TGM1: variants seen among roughly 807,000 people sequenced by gnomAD.
The protein encoded by TGM1 is protein-glutamine gamma-glutamyltransferase K.
Under a neutral mutation model 88.7 loss-of-function variants are expected in TGM1, and 63 were observed. The observed-to-expected ratio is 0.71, with a 90% CI of 0.58 to 0.88. The LOEUF (loss-of-function observed/expected upper bound fraction) is 0.88. TGM1 is among the 40% of genes least tolerant of loss of function. The pLI is 0.00. For missense variants in TGM1, 996 were observed against 1,118.0 expected (o/e 0.89, Z 1.56); for synonymous variants, 415 against 431.1 (o/e 0.96, Z 0.46).
At chr14:24,249,640 A>T in intron 14 of TGM1, 99 bp from the exon 15 acceptor site, 1 of 1,057,354 alleles carries the variant, frequency 9.5e-7, no homozygotes, top group Non-Finnish European at 1.4e-6. Flanking sequence ...CAGGAGGTGG[A>T]CCCATTCAGA....
chr14:24,254,460 C>T (rs2040727233), intron 13 of TGM1, among the ~76,000 whole-genome samples, 172 bp from the exon 14 acceptor site: 2 of 152,206 alleles, frequency 1.3e-5, no homozygotes, highest in African/African-American at 4.8e-5. Flanking sequence ...CCAACCTATT[C>T]CTCAATAAAG....
intron 7 of TGM1, 38 bp from the exon 8 acceptor site, chr14:24,258,711 TG>T (rs1163861564): frequency 6.2e-7 from 1 of 1,610,240 alleles, no homozygotes; most frequent in Admixed American, 1.7e-5. Flanking sequence ...AGGCATGGGT[TG>T]GGGGCAAGTG....
Position 24,259,881 on chromosome 14 carries a change from G to A in TGM1, c.876+59C>T, listed in dbSNP as rs2040792701. On this transcript the variant is annotated intron_variant, in intron 5 of 14. Transcript: ENST00000206765. This position sits in a 1 kb window ranked among gnomAD's most constrained non-coding sequence, Gnocchi z 5.7. ...GCCAGCACCCTGCTCCAATACCCCA[G>A]CCCCCACACCCACCCCAGCTCCTCT... The A allele has an allele frequency of 3.1e-6, 5 of 1,607,000 alleles. No homozygotes were observed. The highest frequency in any genetic ancestry group is 2.6e-6 in the Non-Finnish European group (3 of 1,174,322).
intron 4 of TGM1, 44 bp downstream of exon 4, chr14:24,260,406 C>T: frequency 6.2e-7 from 1 of 1,613,278 alleles, no homozygotes; most frequent in Non-Finnish European, 8.5e-7. Flanking sequence ...CCTTCCCTGT[C>T]TTTCCCTCCC....
Position 24,261,797 on chromosome 14 carries a change from A to T in TGM1, c.406T>A (p.Tyr136Asn). ...RREHHTDEYE[Y>N]DELIVRRGQP... is the part of the protein sequence containing the mutation. ...CCGCGGCGCACTATCAGCTCGTCGTACTCATACTCGTCTGTGTGGTGCTCT... is the reference window on the plus strand; with the variant it reads ...CCGCGGCGCACTATCAGCTCGTCGTTCTCATACTCGTCTGTGTGGTGCTCT... The change falls in exon 3 of 15, where the codon TAC (tyrosine) becomes AAC (asparagine). Residue 136 changes from tyrosine (Y) to asparagine (N), a missense_variant. Transcript: ENST00000206765. The T allele has an allele frequency of 1.9e-6, 3 of 1,613,872 alleles. No individual in the cohort carries two copies. The highest frequency in any genetic ancestry group is 2.5e-6 in the Non-Finnish European group (3 of 1,179,986).
chr14:24,258,285 C>T lies in TGM1; in HGVS notation c.1402G>A (p.Gly468Ser), dbSNP rs1566378254. ...VDATPQETSS[G>S]IFCCGPCSVE... ...GTGGGGAGTGGGGGGCCCAGCTTAC[C>T]ACTGCTAGTCTCTTGGGGTGTGGCA... The change falls in exon 9 of 15, where the codon GGC becomes AGC. Residue 468 changes from glycine to serine, a missense_variant and splice_region_variant. Gly to Ser is a moderately conservative substitution (Grantham distance 56). Coordinates refer to ENST00000206765, the MANE Select transcript of TGM1 (RefSeq NM_000359.3). 1 of 1,613,060 alleles carries T rather than the reference C, an allele frequency of 6.2e-7. No homozygotes were observed. Among genetic ancestry groups the T allele is most frequent in the African/African-American group, 1.3e-5 (1 of 75,006 alleles).
chr14:24,256,260 T>C (rs1027448407), intron 9 of TGM1, among the ~76,000 whole-genome samples, 183 bp from the exon 10 acceptor site: 19 of 152,156 alleles, frequency 1.2e-4, no homozygotes, highest in Non-Finnish European at 2.4e-4. Context: ...TGACAGCCAG[T>C]GCAACACAGG....
rs1182181461 is a variant in TGM1 at position 24,254,704 on chromosome 14, T to C, written c.2048A>G (p.Gln683Arg). The change falls in exon 13 of 15, where the codon CAG becomes CGG. Residue 683 changes from glutamine (Q) to arginine (R), a missense_variant. Coordinates refer to ENST00000206765, the MANE Select transcript of TGM1 (RefSeq NM_000359.3). ...VKESGQVLAK[Q>R]HTFRLRTPDL... ...TGGGGTGCGCAGACGGAAGGTGTGCTGCTTGGCCAGCACCTGCCCGCTCTC... is the reference window on the plus strand; with the variant it reads ...TGGGGTGCGCAGACGGAAGGTGTGCCGCTTGGCCAGCACCTGCCCGCTCTC... 6.2e-7 allele frequency: 1 copy of C among 1,614,000 alleles called. No individual in the cohort carries two copies. Among genetic ancestry groups the C allele is most frequent in the South Asian group, 1.1e-5 (1 of 91,084 alleles).
At position 24,255,714 on chromosome 14, in the gene TGM1, G is replaced by A. The variant is rs2040745205; in HGVS notation, c.1492-197C>T. On this transcript the variant is annotated intron_variant, in intron 10 of 14. Coordinates refer to ENST00000206765, the MANE Select transcript of TGM1 (RefSeq NM_000359.3). This position sits in a 1 kb window ranked among gnomAD's most constrained non-coding sequence, Gnocchi z 4.0. Reference sequence around the variant, plus strand: ...CAGAGTGCAGGGAAGAAGCTGGTCTGGGAGGCTCCTGGCAGAGCACTTTGG... The same window carrying A: ...CAGAGTGCAGGGAAGAAGCTGGTCTAGGAGGCTCCTGGCAGAGCACTTTGG... 6.6e-6 allele frequency among the ~76,000 whole-genome samples: 1 copy of A among 152,180 alleles called. No homozygotes were observed. The highest frequency in any genetic ancestry group is 2.4e-5 in the African/African-American group (1 of 41,432).
At chr14:24,262,433 T>C (rs917854979) in intron 1 of TGM1, 79 bp from the exon 2 acceptor site, 59 of 1,473,868 alleles carry the variant, frequency 4.0e-5, no homozygotes, top group Admixed American at 5.7e-5. Context: ...TCCAGACAGC[T>C]GATTCAGTCC....
chr14:24,255,928 A>T lies in TGM1; in HGVS notation c.1491+61T>A. On this transcript the variant is annotated intron_variant, in intron 10 of 14. Coordinates refer to ENST00000206765, the MANE Select transcript of TGM1 (RefSeq NM_000359.3). The surrounding 1 kb of genome is among the most constrained non-coding windows in gnomAD (Gnocchi z 4.0). ...TCGCAGAGCTGGTCAGTCAGCGGTG[A>T]AGTTGGGACCAGAGAACCCATGACT... 7.3e-7 allele frequency: 1 copy of T among 1,376,930 alleles called. No individual in the cohort carries two copies. Among genetic ancestry groups the T allele is most frequent in the Non-Finnish European group, 1.0e-6 (1 of 987,690 alleles). The allele number at this position is 1,376,930 out of a possible 1,614,324, so 85.3% of individuals were successfully genotyped here.
Position 24,249,526 on chromosome 14 carries a change from A to G in TGM1, c.2241T>C (p.Asn747=). 1 of 1,613,912 alleles carries G rather than the reference A, an allele frequency of 6.2e-7. No homozygotes were observed. The highest frequency in any genetic ancestry group is 1.7e-5 in the Admixed American group (1 of 60,006). ...KILNVGDIGG[N]ETVTLRQSFV... ...ACGACTGGCGCAGTGTCACTGTTTC[A>G]TTGCCTCCAATGTCCCTGTGGGCAG... The change falls in exon 15 of 15, where the codon AAT becomes AAC. Residue 747 remains asparagine, a synonymous_variant. Transcript: ENST00000206765.
intron 14 of TGM1, among the ~76,000 whole-genome samples, chr14:24,253,489 A>G (rs1306715813): frequency 1.3e-5 from 2 of 151,990 alleles, no homozygotes; most frequent in Non-Finnish European, 2.9e-5. Flanking sequence ...ACAGAGAGAG[A>G]GAGAGACACA....
Position 24,258,376 on chromosome 14 carries a change from C to A in TGM1, c.1311G>T (p.Val437=). 4 of 1,614,156 alleles carry A rather than the reference C, an allele frequency of 2.5e-6. No homozygotes were observed. Among genetic ancestry groups the A allele is most frequent in the Non-Finnish European group, 3.4e-6 (4 of 1,180,026 alleles). Residue 437 remains valine, a synonymous_variant, in exon 9 of 15, where the codon GTG becomes GTT. Coordinates refer to ENST00000206765, the MANE Select transcript of TGM1 (RefSeq NM_000359.3). The part of the protein sequence containing the change: ...LNHDSVWNFH[V]WNDCWMKRPD... Reference sequence around the variant, plus strand: ...GCCTCTTCATCCAGCAGTCGTTCCACACATGGAAGTTCCTGGATGGACATG... The same window carrying A: ...GCCTCTTCATCCAGCAGTCGTTCCAAACATGGAAGTTCCTGGATGGACATG...
Position 24,254,614 on chromosome 14 carries a change from C to T in TGM1, c.2088+50G>A, listed in dbSNP as rs754899379. On this transcript the variant is annotated intron_variant, in intron 13 of 14. Coordinates refer to ENST00000206765, the MANE Select transcript of TGM1 (RefSeq NM_000359.3). ...CGCCCACCTCTGATGTCCTTATCCC[C>T]TGGCCTTCACTCTCTGACCACCCCT... 26 of 1,612,794 alleles carry T rather than the reference C, an allele frequency of 1.6e-5. 1 individual carries two copies. In the South Asian group the frequency reaches 2.3e-4, roughly 14 times the overall value.
rs1244731459 is a variant in TGM1 at position 24,261,850 on chromosome 14, A to T, written c.353T>A (p.Leu118Gln). Reference sequence around the variant, plus strand: ...GCGGTTCTGGTCCGAGCGCGAGCTCAGCAAGTCCACACCGTTCACTACTAG... The same window carrying T: ...GCGGTTCTGGTCCGAGCGCGAGCTCTGCAAGTCCACACCGTTCACTACTAG... ...GMLVVNGVDL[L>Q]SSRSDQNRRE... The change falls in exon 3 of 15, where the codon CTG becomes CAG. Residue 118 changes from leucine (L) to glutamine (Q), a missense_variant. Leu to Gln is a moderately radical substitution (Grantham distance 113). Coordinates refer to ENST00000206765, the MANE Select transcript of TGM1 (RefSeq NM_000359.3). 1 of 1,613,788 alleles carries T rather than the reference A, an allele frequency of 6.2e-7. No homozygotes were observed. The highest frequency in any genetic ancestry group is 1.3e-5 in the African/African-American group (1 of 74,910).
At chr14:24,257,830 G>T (rs145979833) in intron 9 of TGM1, among the ~76,000 whole-genome samples, 20 of 152,274 alleles carry the variant, frequency 1.3e-4, no homozygotes, top group African/African-American at 4.1e-4. Context: ...AATACCTCCT[G>T]AGAGAGAATA....
At position 24,255,890 on chromosome 14, in the gene TGM1, G is replaced by T; in HGVS notation, c.1491+99C>A. Reference sequence around the variant, plus strand: ...GAGGAAACTGACTTGTATAATGAGTGACTTGCCCCGGGTCGCAGAGCTGGT... The same window carrying T: ...GAGGAAACTGACTTGTATAATGAGTTACTTGCCCCGGGTCGCAGAGCTGGT... On this transcript the variant is annotated intron_variant, in intron 10 of 14. Transcript: ENST00000206765. This position sits in a 1 kb window ranked among gnomAD's most constrained non-coding sequence, Gnocchi z 4.0. 2.0e-6 allele frequency: 2 copies of T among 1,018,200 alleles called. No homozygotes were observed. The highest frequency in any genetic ancestry group is 3.0e-6 in the Non-Finnish European group (2 of 662,556). 63.1% of individuals were successfully genotyped at this position (1,018,200 alleles called of 1,614,324 possible).
intron 14 of TGM1, among the ~76,000 whole-genome samples, chr14:24,251,221 T>C (rs1338463711): frequency 6.6e-6 from 1 of 152,200 alleles, no homozygotes; most frequent in African/African-American, 2.4e-5. Context: ...AGGAAGTCTA[T>C]AAATTAAGTC....
Sources: allele counts gnomAD v4.1 joint callset (sites outside exome capture counted in the v4.1 genomes callset), GRCh38; gene constraint gnomAD v4.1.1; non-coding constraint Gnocchi (gnomAD v3.1); transcripts MANE v1.5; gene names NCBI Gene and HGNC (gene_info 2026-07-23, HGNC 2026-07-21).